PRKN: variants seen among roughly 807,000 people sequenced by gnomAD.
PRKN encodes the protein E3 ubiquitin-protein ligase parkin.
Under a neutral mutation model 59.5 loss-of-function variants are expected in PRKN, and 56 were observed. That is an observed-to-expected ratio of 0.94 (90% CI 0.76 to 1.18). The LOEUF is 1.18. Among genes scored for constraint, PRKN ranks in the 50% most tolerant of loss-of-function variants. The pLI, the probability that PRKN is intolerant of heterozygous loss-of-function variation, is 0.00. For synonymous variants in PRKN, 250 were observed against 222.1 expected (o/e 1.13, Z -1.12); for missense variants, 657 against 596.4 (o/e 1.10, Z -1.06).
rs148842375 is a variant in PRKN at position 162,239,193 on chromosome 6, T to C, written c.412+23332A>G. Among the ~76,000 whole-genome samples, 153 of 152,240 alleles carry C rather than the reference T, an allele frequency of 1.0e-3. 4 individuals are homozygous for C. In the East Asian group the frequency reaches 0.025, roughly 25 times the overall value. ...ACGTCTCTATGGCAAGCTCATCTCC[T>C]GGAAAACTGGAACTACATTTGTCCA... is the stretch of plus-strand genomic sequence containing the variant. On this transcript the variant is annotated intron_variant, in intron 3 of 11. Coordinates refer to ENST00000366898, the MANE Select transcript of PRKN (RefSeq NM_004562.3).
At chr6:161,655,885 TACACACAC>T (rs376047879) in intron 7 of PRKN, among the ~76,000 whole-genome samples, 66 of 56,866 alleles carry the variant, frequency 1.2e-3, no homozygotes, top group African/African-American at 3.2e-3. Context: ...CACACACACA[TACACACAC>T]ACACACACAC....
chr6:161,704,388 T>C (rs1786394228), intron 7 of PRKN, among the ~76,000 whole-genome samples: 1 of 152,210 alleles, frequency 6.6e-6, no homozygotes, highest in Admixed American at 6.5e-5. Flanking sequence ...TGACTCGTGC[T>C]GCCATCTTTC....
chr6:161,864,315 G>T (rs1400595721), intron 6 of PRKN, among the ~76,000 whole-genome samples: 1 of 152,118 alleles, frequency 6.6e-6, no homozygotes, highest in Non-Finnish European at 1.5e-5. Flanking sequence ...TCTTCACCAG[G>T]AGTAGATTCC....
intron 2 of PRKN, among the ~76,000 whole-genome samples, chr6:162,315,710 C>A (rs1782728023): frequency 6.6e-6 from 1 of 152,040 alleles, no homozygotes; most frequent in Admixed American, 6.6e-5. Context: ...AGACATAAGT[C>A]TTTTTTGGAA....
At chr6:161,596,618 G>A (rs1219750755) in intron 7 of PRKN, among the ~76,000 whole-genome samples, 1 of 151,944 alleles carries the variant, frequency 6.6e-6, no homozygotes, top group Non-Finnish European at 1.5e-5. Flanking sequence ...GGAACATTTA[G>A]CACACACAAA....
At chr6:161,944,403 T>C (rs566092212) in intron 6 of PRKN, among the ~76,000 whole-genome samples, 5 of 152,296 alleles carry the variant, frequency 3.3e-5, no homozygotes, top group Admixed American at 6.5e-5. Flanking sequence ...ACAGACCCCA[T>C]GCTGAATACA....
chr6:162,279,867 G>A (rs1780807621), intron 2 of PRKN, among the ~76,000 whole-genome samples: 1 of 152,148 alleles, frequency 6.6e-6, no homozygotes, highest in African/African-American at 2.4e-5. Flanking sequence ...TGTATTGGGT[G>A]CATATATATT....
At chr6:162,556,342 G>GGGGGTGTGT (rs1175202893) in intron 1 of PRKN, among the ~76,000 whole-genome samples, 1 of 57,300 alleles carries the variant, frequency 1.7e-5, no homozygotes, top group Non-Finnish European at 3.3e-5. Flanking sequence ...CTACTCAGCT[G>GGGGGTGTGT]GTGTGTGTGT....
intron 5 of PRKN, among the ~76,000 whole-genome samples, chr6:162,018,450 G>T (rs1190667483): frequency 2.6e-5 from 4 of 152,178 alleles, no homozygotes; most frequent in Non-Finnish European, 4.4e-5. Flanking sequence ...CTAATGATGA[G>T]AGGAGCCATT....
At chr6:162,097,798 G>C (rs1481963761) in intron 4 of PRKN, among the ~76,000 whole-genome samples, 1 of 152,198 alleles carries the variant, frequency 6.6e-6, no homozygotes, top group Non-Finnish European at 1.5e-5. Context: ...AGATCCAAAT[G>C]AGAGAATTAC....
intron 5 of PRKN, among the ~76,000 whole-genome samples, chr6:161,976,170 G>A (rs530223196): frequency 6.6e-6 from 1 of 152,128 alleles, no homozygotes; most frequent in Non-Finnish European, 1.5e-5. Context: ...CTCCCAAAGT[G>A]CTGGGATTAC....
intron 1 of PRKN, among the ~76,000 whole-genome samples, chr6:162,692,972 C>T (rs1300065478): frequency 2.0e-5 from 3 of 152,046 alleles, no homozygotes; most frequent in South Asian, 2.1e-4. Context: ...TAATATCTAT[C>T]GAACCCCTTA....
intron 7 of PRKN, among the ~76,000 whole-genome samples, chr6:161,669,155 CAAG>C (rs975433052): frequency 6.6e-6 from 1 of 152,128 alleles, no homozygotes; most frequent in South Asian, 2.1e-4. Flanking sequence ...CCTTTACAAA[CAAG>C]GAAGTGGGCC....
chr6:161,495,958 G>C (rs751827188), intron 9 of PRKN, among the ~76,000 whole-genome samples: 1 of 152,060 alleles, frequency 6.6e-6, no homozygotes, highest in Non-Finnish European at 1.5e-5. Flanking sequence ...CTCAGCATCC[G>C]TGCACAGGGT....
intron 1 of PRKN, among the ~76,000 whole-genome samples, chr6:162,444,293 C>T (rs926250133): frequency 4.7e-4 from 71 of 152,070 alleles, no homozygotes; most frequent in African/African-American, 1.7e-3. Flanking sequence ...CACGCCATCA[C>T]CTCCAAAAGG....
intron 5 of PRKN, among the ~76,000 whole-genome samples, chr6:162,032,477 G>C (rs2128279504): frequency 6.6e-6 from 1 of 152,086 alleles, no homozygotes; most frequent in African/African-American, 2.4e-5. Flanking sequence ...GCAAAGTGGG[G>C]GCCACTTTGC....
intron 8 of PRKN, among the ~76,000 whole-genome samples, chr6:161,564,681 T>A (rs1780573534): frequency 6.6e-6 from 1 of 152,192 alleles, no homozygotes; most frequent in Non-Finnish European, 1.5e-5. Flanking sequence ...CCCATCAGCC[T>A]ACACCATGCA....
intron 1 of PRKN, among the ~76,000 whole-genome samples, chr6:162,524,724 A>AGTTTACTAACTAGTTTAGTTT (rs1169840453): frequency 3.3e-5 from 5 of 152,214 alleles, no homozygotes; most frequent in Non-Finnish European, 7.3e-5. Flanking sequence ...AGTTTGAGGT[A>AGTTTACTAACTAGTTTAGTTT]AGTTTGCAAA....
chr6:162,055,258 A>C (rs1428426878), intron 4 of PRKN, among the ~76,000 whole-genome samples: 1 of 152,218 alleles, frequency 6.6e-6, no homozygotes, highest in African/African-American at 2.4e-5. Flanking sequence ...CAGATCCTCA[A>C]ATCTTCTAAA....
Sources: allele counts gnomAD v4.1 joint callset (sites outside exome capture counted in the v4.1 genomes callset), GRCh38; gene constraint gnomAD v4.1.1; transcripts MANE v1.5; gene names NCBI Gene and HGNC (gene_info 2026-07-23, HGNC 2026-07-21).